The following UNC13C variants were observed in gnomAD, a reference collection of about 807,000 sequenced individuals.
The protein encoded by UNC13C is unc-13 homolog C, also known as protein unc-13 homolog C.
A neutral mutation model predicts 245.4 loss-of-function variants in UNC13C; 174 were observed. The observed-to-expected ratio is 0.71, with a 90% CI of 0.63 to 0.80. UNC13C has a LOEUF of 0.80. UNC13C is among the 30% of genes least tolerant of loss of function. The pLI is 0.00. For synonymous variants in UNC13C, 992 were observed against 895.1 expected (o/e 1.11, Z -1.93); for missense variants, 2,829 against 2,602.9 (o/e 1.09, Z -1.89).
At chr15:53,914,488 G>C in the UNC13C span, 1 of 152,260 alleles carries the variant, frequency 6.6e-6, no homozygotes, top group Admixed American at 6.5e-5. Flanking sequence ...ATTTGCAGAT[G>C]CTCCCTGGGG....
At chr15:54,469,175 A>G (rs1329470213) in intron 19 of UNC13C, among the ~76,000 whole-genome samples, 1 of 151,334 alleles carries the variant, frequency 6.6e-6, no homozygotes, top group Non-Finnish European at 1.5e-5. Flanking sequence ...CTTCTGTGTT[A>G]TTTTTTATGT....
chr15:53,838,132 T>C, the UNC13C span, among the ~76,000 whole-genome samples: 1 of 152,134 alleles, frequency 6.6e-6, no homozygotes, highest in Non-Finnish European at 1.5e-5. Context: ...CTTGTTGGGA[T>C]TTTAATTGGA....
chr15:54,580,975 A>T (rs907006958), intron 30 of UNC13C, among the ~76,000 whole-genome samples: 1 of 152,202 alleles, frequency 6.6e-6, no homozygotes, highest in African/African-American at 2.4e-5. Flanking sequence ...ACTGTGCACA[A>T]AGCACTGTGC....
chr15:54,566,478 T>C (rs547809320), intron 29 of UNC13C, among the ~76,000 whole-genome samples: 13 of 152,220 alleles, frequency 8.5e-5, no homozygotes, highest in Admixed American at 7.9e-4. Context: ...TTTCATAGCA[T>C]ATGTAGTTTT....
At chr15:54,046,066 A>G (rs1191651465) in intron 2 of UNC13C, among the ~76,000 whole-genome samples, 1 of 152,136 alleles carries the variant, frequency 6.6e-6, no homozygotes, top group Non-Finnish European at 1.5e-5. Flanking sequence ...TTTTAACCCA[A>G]CAATCTATCT....
intron 30 of UNC13C, among the ~76,000 whole-genome samples, chr15:54,621,533 A>C (rs866637813): frequency 5.9e-5 from 9 of 152,116 alleles, no homozygotes; most frequent in African/African-American, 2.2e-4. Flanking sequence ...TCCATGATAC[A>C]TTTTTAGGTG....
chr15:54,049,085 A>G (rs1897163504), intron 2 of UNC13C: 1 of 374,850 alleles, frequency 2.7e-6, no homozygotes, highest in Non-Finnish European at 5.3e-6. Context: ...TGACTTTTCT[A>G]TCATTGGTAA....
intron 18 of UNC13C, among the ~76,000 whole-genome samples, chr15:54,401,630 T>C (rs2040186817): frequency 1.3e-5 from 2 of 151,974 alleles, no homozygotes; most frequent in Non-Finnish European, 2.9e-5. Flanking sequence ...GAGAAGAAGG[T>C]AGTTGACAGT....
At chr15:53,926,750 A>G in the UNC13C span, among the ~76,000 whole-genome samples, 10 of 152,290 alleles carry the variant, frequency 6.6e-5, no homozygotes, top group South Asian at 1.7e-3. Flanking sequence ...GAAGATACCA[A>G]TCTTTAATGC....
At chr15:54,256,521 A>G (rs1276323762) in intron 8 of UNC13C, among the ~76,000 whole-genome samples, 5 of 152,212 alleles carry the variant, frequency 3.3e-5, no homozygotes. Flanking sequence ...TTTAAGTTGC[A>G]CACCATTTTT....
intron 2 of UNC13C, among the ~76,000 whole-genome samples, chr15:54,118,626 A>T (rs1047216224): frequency 5.9e-5 from 9 of 152,076 alleles, no homozygotes; most frequent in African/African-American, 1.9e-4. Flanking sequence ...TCCAGTTTGA[A>T]TGTCCTTTGT....
intron 2 of UNC13C, among the ~76,000 whole-genome samples, chr15:54,068,999 A>G (rs2141093739): frequency 6.6e-6 from 1 of 152,300 alleles, no homozygotes; most frequent in South Asian, 2.1e-4. Context: ...TGTATTACCT[A>G]GCACATCTTA....
intron 2 of UNC13C, among the ~76,000 whole-genome samples, chr15:54,052,887 TA>T (rs1897332275): frequency 6.6e-6 from 1 of 152,228 alleles, no homozygotes; most frequent in Non-Finnish European, 1.5e-5. Flanking sequence ...ACTATCCAGC[TA>T]AAAGGATATA....
At chr15:53,871,620 A>G in the UNC13C span, among the ~76,000 whole-genome samples, 1 of 152,160 alleles carries the variant, frequency 6.6e-6, no homozygotes, top group Non-Finnish European at 1.5e-5. Context: ...TATGTTTTGC[A>G]TGAGCGAATA....
At chr15:54,447,448 G>A (rs1306960136) in intron 19 of UNC13C, among the ~76,000 whole-genome samples, 1 of 152,146 alleles carries the variant, frequency 6.6e-6, no homozygotes, top group South Asian at 2.1e-4. Flanking sequence ...CTCAATTTCA[G>A]AGCCTGTTAT....
At chr15:54,479,106 A>C (rs1397300322) in intron 19 of UNC13C, among the ~76,000 whole-genome samples, 1 of 152,098 alleles carries the variant, frequency 6.6e-6, no homozygotes, top group East Asian at 1.9e-4. Flanking sequence ...TCAGTTGGCT[A>C]TAAATCCTTG....
rs190679453 is a variant in UNC13C at position 54,152,266 on chromosome 15, A to C, written c.3071+8582A>C. Among the ~76,000 whole-genome samples the C allele has an allele frequency of 1.3e-5, 2 of 152,272 alleles. 1 individual carries two copies. Among genetic ancestry groups the C allele is most frequent in the East Asian group, 3.9e-4 (2 of 5,178 alleles). ...TTGAGTATCACAGGAGTGCCAACTTAATATGGCAGCTAGCGGGGCCAATCC... is the reference window on the plus strand; with the variant it reads ...TTGAGTATCACAGGAGTGCCAACTTCATATGGCAGCTAGCGGGGCCAATCC... On this transcript the variant is annotated intron_variant, in intron 4 of 32. Coordinates refer to ENST00000260323, the MANE Select transcript of UNC13C (RefSeq NM_001080534.3).
At chr15:53,902,563 A>G in the UNC13C span, among the ~76,000 whole-genome samples, 1 of 152,256 alleles carries the variant, frequency 6.6e-6, no homozygotes, top group Admixed American at 6.5e-5. Context: ...GATGGGAACT[A>G]TAAAATATTG....
At chr15:54,359,938 T>G (rs1363276924) in intron 17 of UNC13C, among the ~76,000 whole-genome samples, 1 of 151,966 alleles carries the variant, frequency 6.6e-6, no homozygotes, top group African/African-American at 2.4e-5. Context: ...CTACCTTTCT[T>G]GATGTAAGTG....
Sources: allele counts gnomAD v4.1 joint callset (sites outside exome capture counted in the v4.1 genomes callset), GRCh38; gene constraint gnomAD v4.1.1; transcripts MANE v1.5; gene names NCBI Gene and HGNC (gene_info 2026-07-23, HGNC 2026-07-21).